Variants in TMEM50B observed in about 807,000 individuals in gnomAD.
The protein encoded by TMEM50B is HCV p7-trans-regulated protein 3.
Under a neutral mutation model 23.4 loss-of-function variants are expected in TMEM50B, and 14 were observed. The ratio of observed to expected loss-of-function variants is 0.60; its 90% CI spans 0.39 to 0.93. The LOEUF (loss-of-function observed/expected upper bound fraction) is 0.93. Among genes scored for constraint, TMEM50B ranks in the 40% least tolerant of loss-of-function variants. The probability of loss-of-function intolerance (pLI) is 0.00; values close to 1 mark genes in which losing one functional copy is unlikely to be tolerated. For missense variants in TMEM50B, 159 were observed against 193.0 expected (o/e 0.82, Z 1.04); for synonymous variants, 64 against 62.3 (o/e 1.03, Z -0.13).
At chr21:33,447,705 C>T (rs1333634484), downstream of TMEM50B, among the ~76,000 whole-genome samples, 1 of 111,050 alleles carries the variant, frequency 9.0e-6, no homozygotes, top group Non-Finnish European at 1.8e-5. Flanking sequence ...CACACACACA[C>T]ACACACACAC....
At chr21:33,470,116 TGA>T (rs1367392609) in intron 1 of TMEM50B, among the ~76,000 whole-genome samples, 2 of 151,550 alleles carry the variant, frequency 1.3e-5, no homozygotes, top group Non-Finnish European at 2.9e-5. Context: ...AAAAAAAAAT[TGA>T]AAGCACTGGA....
chr21:33,468,550 TTATATTATC>T, intron 2 of TMEM50B: 1 of 436,008 alleles, frequency 2.3e-6, no homozygotes, highest in East Asian at 3.6e-5. Flanking sequence ...CCTATAATAA[TTATATTATC>T]ACTGGAACTG....
At chr21:33,432,730 G>A (rs1391490229) in exon 9 of TMEM50B, 2 of 1,614,024 alleles carry the variant, frequency 1.2e-6, no homozygotes, top group Admixed American at 1.7e-5. Context: ...CTGAGCTTCA[G>A]CAAGTCATCC....
downstream of TMEM50B, among the ~76,000 whole-genome samples, chr21:33,446,593 A>G (rs1462467035): frequency 6.7e-6 from 1 of 148,376 alleles, no homozygotes; most frequent in Non-Finnish European, 1.5e-5. Flanking sequence ...TCAGTAATAG[A>G]AAACACCATA....
At chr21:33,436,653 C>G (rs1396584925) in intron 8 of TMEM50B, among the ~76,000 whole-genome samples, 1 of 151,422 alleles carries the variant, frequency 6.6e-6, no homozygotes, top group Non-Finnish European at 1.5e-5. Flanking sequence ...ACCTGGGAAG[C>G]AGAGGTTGCA....
chr21:33,455,926 C>G (rs530351575), intron 5 of TMEM50B, 142 bp from the exon 6 acceptor site: 1 of 729,052 alleles, frequency 1.4e-6, no homozygotes, highest in Non-Finnish European at 2.5e-6. Flanking sequence ...TATAATGAAA[C>G]TGAAAGAAGA....
chr21:33,474,215 T>C (rs917678398), intron 1 of TMEM50B, among the ~76,000 whole-genome samples: 5 of 146,452 alleles, frequency 3.4e-5, no homozygotes, highest in African/African-American at 1.2e-4. Flanking sequence ...GTTGTTTTTT[T>C]TAAGAGAGAC....
At chr21:33,433,078 G>A (rs2083906326) in intron 8 of TMEM50B, among the ~76,000 whole-genome samples, 1 of 152,070 alleles carries the variant, frequency 6.6e-6, no homozygotes, top group African/African-American at 2.4e-5. Context: ...TAGAAACAGG[G>A]TTTTGCTATG....
At chr21:33,460,587 G>T in intron 4 of TMEM50B, 82 bp from the exon 5 acceptor site, 1 of 714,892 alleles carries the variant, frequency 1.4e-6, no homozygotes, top group African/African-American at 1.8e-5. Flanking sequence ...TAGGAGCCCT[G>T]TTAGCCTAGT....
chr21:33,468,965 A>AT (rs2084288702), intron 1 of TMEM50B, 39 bp from the exon 2 acceptor site: 8 of 1,137,408 alleles, frequency 7.0e-6, no homozygotes, highest in Middle Eastern at 4.0e-4. Flanking sequence ...ACCTAAGAAA[A>AT]TGTTTTCTAA....
intron 5 of TMEM50B, among the ~76,000 whole-genome samples, chr21:33,458,614 G>C (rs2084190536): frequency 6.6e-6 from 1 of 152,208 alleles, no homozygotes; most frequent in Admixed American, 6.5e-5. Context: ...AATGGGGAGT[G>C]ACTGCTAATG....
chr21:33,460,516 A>T lies in TMEM50B; in HGVS notation c.281-11T>A. The T allele has an allele frequency of 1.3e-6, 2 of 1,567,086 alleles. No individual in the cohort carries two copies. The highest frequency in any genetic ancestry group is 1.7e-6 in the Non-Finnish European group (2 of 1,155,468). ...GCCAAACTCGAGCACCTGTGTAGAG[A>T]AGAGGCTTTATGATTTTGTTCATTT... On this transcript the variant is annotated splice_polypyrimidine_tract_variant and intron_variant, in intron 4 of 6. Transcript: ENST00000542230.
intron 8 of TMEM50B, among the ~76,000 whole-genome samples, chr21:33,435,774 T>C (rs377004384): frequency 5.4e-5 from 8 of 148,794 alleles, no homozygotes; most frequent in Middle Eastern, 3.6e-3. Context: ...TCCCAGCTAC[T>C]TGGGAGGCTG....
chr21:33,456,330 A>C (rs3787705), intron 5 of TMEM50B, among the ~76,000 whole-genome samples: 89,217 of 151,998 alleles, frequency 0.59, 28,243 homozygotes, highest in East Asian at 0.83. Context: ...TCCCAAGTGG[A>C]TGGGACTACA....
In TMEM50B at chr21:33,479,138, GT is replaced by G. The variant is rs2084402451; in HGVS notation, c.-42+699del. On this transcript the variant is annotated intron_variant, in intron 1 of 6. Coordinates refer to ENST00000542230, the MANE Select transcript of TMEM50B (RefSeq NM_006134.7). Reference sequence around the variant, plus strand: ...GAATTTCAGCACCTTCCAACTTACTGTTTTAAGTACCTTTAACCAGCCTATT... The same window carrying G: ...GAATTTCAGCACCTTCCAACTTACTGTTTAAGTACCTTTAACCAGCCTATT... The G allele has an allele frequency of 1.3e-5, 3 of 224,970 alleles. No homozygotes were observed. The South Asian group carries it at 1.5e-4, about 11-fold the overall frequency. The allele number at this position is 224,970 out of a possible 1,614,324, so 13.9% of individuals were successfully genotyped here. A position where few individuals can be genotyped will look rare whatever the true frequency, so the allele number is the denominator to read the frequency against.
intron 6 of TMEM50B, among the ~76,000 whole-genome samples, chr21:33,455,231 C>G (rs1014174658): frequency 6.6e-6 from 1 of 152,084 alleles, no homozygotes; most frequent in Non-Finnish European, 1.5e-5. Flanking sequence ...CACTCTATTG[C>G]CCAGGCTGGA....
At chr21:33,433,175 T>TTAA (rs1210040228) in intron 8 of TMEM50B, among the ~76,000 whole-genome samples, 26 of 152,106 alleles carry the variant, frequency 1.7e-4, no homozygotes, top group Non-Finnish European at 2.2e-4. Context: ...CGGGAGCCAC[T>TTAA]GCGCCCGGCC....
At chr21:33,446,679 C>CAAAAAAAAAAAAA (rs1409384682), downstream of TMEM50B, among the ~76,000 whole-genome samples, 8 of 102,360 alleles carry the variant, frequency 7.8e-5, no homozygotes, top group African/African-American at 3.0e-4. Flanking sequence ...AAAAAAAAAA[C>CAAAAAAAAAAAAA]CTCTAAGAAA....
Position 33,457,253 on chromosome 21 carries a change from T to TA in TMEM50B, c.374-1470dup, listed in dbSNP as rs1003118461. Among the ~76,000 whole-genome samples, 8 of 146,800 alleles carry TA rather than the reference T, an allele frequency of 5.4e-5. No individual in the cohort carries two copies. The East Asian group carries it at 5.9e-4, about 11-fold the overall frequency. ...TGGACGACAGGGCGAAACTCCATCT[T>TA]AAAAAAAAAAGAAAAGTATATTTAA... On this transcript the variant is annotated intron_variant, in intron 5 of 6. Coordinates refer to ENST00000542230, the MANE Select transcript of TMEM50B (RefSeq NM_006134.7).
Sources: gnomAD v4.1 joint callset for allele counts (sites outside exome capture counted in the v4.1 genomes callset) on GRCh38, gnomAD v4.1.1 for gene constraint, MANE v1.5 for transcripts, NCBI Gene and HGNC (gene_info 2026-07-23, HGNC 2026-07-21) for gene names.